ACSM3: variants seen among roughly 807,000 people sequenced by gnomAD.
The protein encoded by ACSM3 is acyl-coenzyme A synthetase ACSM3, mitochondrial.
Under a neutral mutation model 74.1 loss-of-function variants are expected in ACSM3, and 61 were observed. The ratio of observed to expected loss-of-function variants is 0.82; its 90% confidence interval spans 0.67 to 1.02. The LOEUF (loss-of-function observed/expected upper bound fraction) is 1.02, where lower values mean the gene tolerates loss of function less well. Among genes scored for constraint, ACSM3 ranks in the 50% least tolerant of loss-of-function variants. The pLI, the probability that ACSM3 is intolerant of heterozygous loss-of-function variation, is 0.00. For missense variants in ACSM3, 660 were observed against 697.0 expected (o/e 0.95, Z 0.60); for synonymous variants, 213 against 241.5 (o/e 0.88, Z 1.09).
intron 1 of ACSM3, chr16:20,742,126 G>C (rs2079932915): frequency 8.9e-7 from 1 of 1,127,538 alleles, no homozygotes; most frequent in Admixed American, 3.4e-5. Context: ...TGGAGGAAAA[G>C]TTAAATATTA....
intron 2 of ACSM3, among the ~76,000 whole-genome samples, chr16:20,774,233 CTG>C (rs1342425327): frequency 1.4e-5 from 2 of 142,596 alleles, no homozygotes; most frequent in East Asian, 2.0e-4. Flanking sequence ...TCTTCATTTT[CTG>C]TGTCTTTTTT....
At chr16:20,754,346 AGGCCATTAGACTGAGGT>A (rs2080012363) in intron 2 of ACSM3, among the ~76,000 whole-genome samples, 1 of 152,180 alleles carries the variant, frequency 6.6e-6, no homozygotes. Flanking sequence ...ATTAAATAGG[AGGCCATTAGACTGAGGT>A]GGCTCTAACA....
chr16:20,696,699 T>C (rs1015523474), intron 1 of ACSM3, among the ~76,000 whole-genome samples: 9 of 152,218 alleles, frequency 5.9e-5, no homozygotes, highest in African/African-American at 1.9e-4. Context: ...TTTGACATGG[T>C]AGCTTTGAGA....
intron 1 of ACSM3, chr16:20,725,316 C>A (rs1466391280): frequency 4.9e-6 from 1 of 205,914 alleles, no homozygotes; most frequent in Middle Eastern, 7.2e-4. Context: ...CAGTCATAGC[C>A]TTTCATTGAC....
At chr16:20,781,923 C>T (rs1223408907) in intron 7 of ACSM3, 136 bp downstream of exon 7, 4 of 650,476 alleles carry the variant, frequency 6.1e-6, no homozygotes, top group East Asian at 5.7e-5. Context: ...CTTCCTCTTT[C>T]TCCTTCTTGC....
intron 3 of ACSM3, among the ~76,000 whole-genome samples, chr16:20,756,549 A>G (rs894533402): frequency 1.3e-5 from 2 of 152,026 alleles, no homozygotes; most frequent in Non-Finnish European, 1.5e-5. Context: ...TTGTCAGATG[A>G]GTAGGTTGCG....
At chr16:20,789,272 C>T (rs2080540468) in intron 9 of ACSM3, among the ~76,000 whole-genome samples, 1 of 152,254 alleles carries the variant, frequency 6.6e-6, no homozygotes, top group African/African-American at 2.4e-5. Context: ...CTCTCTACAC[C>T]TCAGTTTCCT....
In ACSM3 at chr16:20,790,623, CAAG is replaced by C. The variant is rs536683868; in HGVS notation, c.1265_1267del (p.Glu422del). ...AAATGGCAATGTTCTACCTCCTGGA[CAAG>C]AAGGAGATATTGGCATTCAAGTTCT... On this transcript the variant is annotated inframe_deletion, in exon 10 of 14. Transcript: ENST00000289416. The surrounding 1 kb of genome is among the most constrained non-coding windows in gnomAD (Gnocchi z 4.0). 730 of 1,614,068 alleles carry C rather than the reference CAAG, an allele frequency of 4.5e-4. 8 individuals carry two copies. In the South Asian group the frequency reaches 7.5e-3, roughly 17 times the overall value.
intron 3 of ACSM3, among the ~76,000 whole-genome samples, chr16:20,756,753 T>C (rs1267737723): frequency 6.6e-6 from 1 of 152,216 alleles, no homozygotes; most frequent in Non-Finnish European, 1.5e-5. Context: ...TCTTCTAGGG[T>C]TTTTATGGGT....
chr16:20,755,072 TAAG>T (rs1488448648), intron 2 of ACSM3, among the ~76,000 whole-genome samples: 1 of 152,094 alleles, frequency 6.6e-6, no homozygotes, highest in Non-Finnish European at 1.5e-5. Flanking sequence ...CACCCAACAA[TAAG>T]AAGAAGCTCC....
chr16:20,720,177 G>A (rs550688020), intron 1 of ACSM3, among the ~76,000 whole-genome samples: 1 of 152,198 alleles, frequency 6.6e-6, no homozygotes, highest in African/African-American at 2.4e-5. Context: ...GGAGGGATTC[G>A]AGCTCATTAC....
intron 1 of ACSM3, chr16:20,719,523 G>A (rs186630923): frequency 6.4e-6 from 1 of 156,626 alleles, no homozygotes; most frequent in Admixed American, 6.5e-5. Flanking sequence ...AAGTCTCCAG[G>A]GCCTTGGCTT....
At chr16:20,779,357 A>T (rs920517243) in intron 4 of ACSM3, among the ~76,000 whole-genome samples, 5 of 150,680 alleles carry the variant, frequency 3.3e-5, no homozygotes, top group Non-Finnish European at 7.4e-5. Context: ...CCAGGAGGTC[A>T]TGGCTGCAAT....
chr16:20,718,027 A>AAGAG (rs1596484333), intron 1 of ACSM3, among the ~76,000 whole-genome samples: 3 of 149,954 alleles, frequency 2.0e-5, no homozygotes, highest in East Asian at 3.9e-4. Flanking sequence ...GAAGAAGAAG[A>AAGAG]AAAGAAAGAA....
chr16:20,690,850 A>G, intron 1 of ACSM3: 1 of 727,324 alleles, frequency 1.4e-6, no homozygotes, highest in Non-Finnish European at 2.1e-6. Context: ...GGCTGGGAAT[A>G]GAACCTTGAA....
At chr16:20,695,661 C>G (rs567528767) in intron 1 of ACSM3, among the ~76,000 whole-genome samples, 2 of 149,082 alleles carry the variant, frequency 1.3e-5, no homozygotes, top group Admixed American at 1.4e-4. Context: ...TACCTATTAC[C>G]TATTTTCTAT....
chr16:20,772,415 TA>T (rs57941736), intron 2 of ACSM3, among the ~76,000 whole-genome samples: 19,937 of 151,904 alleles, frequency 0.13, 1,370 homozygotes, highest in East Asian at 0.21. Context: ...AAAATTAAAA[TA>T]AAAAATAAAA....
chr16:20,708,316 A>T (rs2079733564), intron 1 of ACSM3, among the ~76,000 whole-genome samples: 1 of 152,192 alleles, frequency 6.6e-6, no homozygotes, highest in Non-Finnish European at 1.5e-5. Flanking sequence ...CAACAACAAC[A>T]ACAACAACAG....
chr16:20,789,572 A>G (rs1416411360), intron 9 of ACSM3: 1 of 1,557,042 alleles, frequency 6.4e-7, no homozygotes, highest in Non-Finnish European at 8.9e-7. Context: ...ACAAAGTTTG[A>G]AAACCAGTAA....
Sources: gnomAD v4.1 joint callset for allele counts (sites outside exome capture counted in the v4.1 genomes callset) on GRCh38, gnomAD v4.1.1 for gene constraint, Gnocchi (gnomAD v3.1) non-coding constraint, MANE v1.5 for transcripts, NCBI Gene and HGNC (gene_info 2026-07-23, HGNC 2026-07-21) for gene names.